Variants in ABHD3 observed in about 807,000 individuals in gnomAD.
ABHD3 encodes the protein abhydrolase domain containing 3, phospholipase, also known as phospholipase ABHD3.
A neutral mutation model predicts 48.8 loss-of-function variants in ABHD3; 46 were observed. The ratio of observed to expected loss-of-function variants is 0.94; its 90% confidence interval spans 0.74 to 1.20. The LOEUF is 1.20. Among genes scored for constraint, ABHD3 ranks in the 50% most tolerant of loss-of-function variants. ABHD3 has a pLI of 0.00. For missense variants in ABHD3, 490 were observed against 497.8 expected (o/e 0.98, Z 0.15); for synonymous variants, 192 against 183.7 (o/e 1.04, Z -0.36).
intron 3 of ABHD3, among the ~76,000 whole-genome samples, chr18:21,690,141 C>T (rs1308820171): frequency 6.6e-6 from 1 of 151,450 alleles, no homozygotes; most frequent in Admixed American, 6.6e-5. Flanking sequence ...AAAAGAAAAT[C>T]TCAGCATAAT....
intron 1 of ABHD3, among the ~76,000 whole-genome samples, chr18:21,704,254 C>G (rs979494928): frequency 6.6e-6 from 1 of 152,204 alleles, no homozygotes; most frequent in African/African-American, 2.4e-5. Context: ...GGTGACCGGG[C>G]AGCGCCGCAG....
At chr18:21,680,305 C>T (rs1011128372) in intron 4 of ABHD3, among the ~76,000 whole-genome samples, 9 of 152,136 alleles carry the variant, frequency 5.9e-5, no homozygotes, top group Non-Finnish European at 1.0e-4. Flanking sequence ...TGTGAGTCAC[C>T]GTGCCCAGTC....
rs148728182 is a variant in ABHD3 at position 21,681,977 on chromosome 18, T to C, written c.555+1943A>G. 5.7e-3 allele frequency among the ~76,000 whole-genome samples: 866 copies of C among 151,570 alleles called. 4 individuals are homozygous for C. The highest frequency in any genetic ancestry group is 9.3e-3 in the Non-Finnish European group (629 of 67,864). On this transcript the variant is annotated intron_variant, in intron 4 of 8. Transcript: ENST00000289119. ...CATCTCTACAAAACAAACAAATAAA[T>C]AAATAAAAAATCAGCCAGGCATGGT...
intron 3 of ABHD3, among the ~76,000 whole-genome samples, chr18:21,698,272 G>A (rs906712474): frequency 2.0e-5 from 3 of 151,208 alleles, no homozygotes; most frequent in East Asian, 3.9e-4. Context: ...TGCAACCTCC[G>A]CCTCCTGGGT....
chr18:21,659,385 G>T (rs1354049979), intron 5 of ABHD3, 42 bp from the exon 6 acceptor site: 26 of 1,565,974 alleles, frequency 1.7e-5, no homozygotes, highest in Non-Finnish European at 2.2e-5. Context: ...TTAATTTGTT[G>T]TATCACAGAA....
chr18:21,686,948 C>T (rs981584473), intron 3 of ABHD3, among the ~76,000 whole-genome samples: 1 of 152,164 alleles, frequency 6.6e-6, no homozygotes, highest in Non-Finnish European at 1.5e-5. Context: ...GATAAGGTCT[C>T]ACTGTTGCCC....
rs186796126 is a variant in ABHD3 at position 21,657,611 on chromosome 18, A to G, written c.843-459T>C. Among the ~76,000 whole-genome samples, 3 of 152,058 alleles carry G rather than the reference A, an allele frequency of 2.0e-5. No homozygotes were observed. In the East Asian group the frequency reaches 5.8e-4, roughly 29 times the overall value. ...GTGATCCACCCTCCTCGGCCTCCCAAAGTGCTGGGATTATAAGCATGAGCC... is the reference window on the plus strand; with the variant it reads ...GTGATCCACCCTCCTCGGCCTCCCAGAGTGCTGGGATTATAAGCATGAGCC... On this transcript the variant is annotated intron_variant, in intron 6 of 8. Transcript: ENST00000289119.
At chr18:21,658,802 T>C (rs1182001401) in intron 6 of ABHD3, among the ~76,000 whole-genome samples, 1 of 152,154 alleles carries the variant, frequency 6.6e-6, no homozygotes, top group Non-Finnish European at 1.5e-5. Flanking sequence ...TTTAAATTTT[T>C]TTACTGTTGG....
Position 21,686,910 on chromosome 18 carries a change from T to G in ABHD3, c.510-2945A>C, listed in dbSNP as rs147690524. 6.9e-3 allele frequency among the ~76,000 whole-genome samples: 1,054 copies of G among 152,284 alleles called. 18 individuals are homozygous for G. The highest frequency in any genetic ancestry group is 0.024 in the African/African-American group (1,012 of 41,566). The stretch of plus-strand genomic sequence containing the variant: ...TATTCCTAAGGCATTGAAAAATCTG[T>G]TAACCTCTTCTTCTTTTTTTCTTTA... On this transcript the variant is annotated intron_variant, in intron 3 of 8. Coordinates refer to ENST00000289119, the MANE Select transcript of ABHD3 (RefSeq NM_138340.5).
At chr18:21,692,020 C>A (rs2040262790) in intron 3 of ABHD3, among the ~76,000 whole-genome samples, 1 of 152,194 alleles carries the variant, frequency 6.6e-6, no homozygotes, top group South Asian at 2.1e-4. Flanking sequence ...GGTGCAATCT[C>A]AGCTCACTGC....
At chr18:21,698,340 C>G (rs1028982709) in intron 3 of ABHD3, among the ~76,000 whole-genome samples, 3 of 151,964 alleles carry the variant, frequency 2.0e-5, no homozygotes, top group Admixed American at 6.6e-5. Context: ...CACCCGCCAC[C>G]ACGTCCAGCT....
intron 3 of ABHD3, among the ~76,000 whole-genome samples, chr18:21,688,393 T>C (rs966646449): frequency 1.3e-5 from 2 of 151,944 alleles, no homozygotes; most frequent in African/African-American, 4.8e-5. Context: ...GTAATAATAA[T>C]AACAACAGAT....
rs2040530721 is a variant in ABHD3 at position 21,702,322 on chromosome 18, C to A, written c.503G>T (p.Gly168Val). ...LHMIHLSEEL[G>V]YRCVVFNNRG... The stretch of plus-strand genomic sequence containing the variant: ...AGAAATCTTTTACTGGTACCTGTAT[C>A]CTAATTCTTCACTAAGATGGATCAT... Residue 168 changes from glycine (G) to valine (V), a missense_variant, in exon 3 of 9, where the codon GGA becomes GTA. Transcript: ENST00000289119. 3 of 1,586,292 alleles carry A rather than the reference C, an allele frequency of 1.9e-6. No homozygotes were observed. Among genetic ancestry groups the A allele is most frequent in the African/African-American group, 2.7e-5 (2 of 74,160 alleles).
At chr18:21,699,197 G>C (rs1241406810) in intron 3 of ABHD3, among the ~76,000 whole-genome samples, 2 of 152,048 alleles carry the variant, frequency 1.3e-5, no homozygotes, top group South Asian at 2.1e-4. Flanking sequence ...TACAGGCATG[G>C]GCGACCACAC....
At chr18:21,655,198 T>C (rs2039315326) in intron 8 of ABHD3, 1 of 152,052 alleles carries the variant, frequency 6.6e-6, no homozygotes, top group African/African-American at 2.4e-5. Flanking sequence ...TCACAACATA[T>C]GTGTTATGTT....
At chr18:21,679,013 A>G (rs2039950354) in intron 4 of ABHD3, among the ~76,000 whole-genome samples, 1 of 152,204 alleles carries the variant, frequency 6.6e-6, no homozygotes, top group South Asian at 2.1e-4. Context: ...TGCCACTCCT[A>G]GGAGAACTGC....
chr18:21,682,735 C>CT (rs1459960645), intron 4 of ABHD3, among the ~76,000 whole-genome samples: 2 of 152,170 alleles, frequency 1.3e-5, no homozygotes, highest in Non-Finnish European at 2.9e-5. Flanking sequence ...CAGACCATGT[C>CT]TTCCCCCCCG....
chr18:21,659,490 A>T, intron 5 of ABHD3, 147 bp from the exon 6 acceptor site: 1 of 719,002 alleles, frequency 1.4e-6, no homozygotes, highest in Admixed American at 3.2e-5. Flanking sequence ...GCATGCAAGC[A>T]TCTTCATTCT....
Position 21,681,547 on chromosome 18 carries a change from CTCTT to C in ABHD3, c.555+2369_555+2372del, listed in dbSNP as rs1312903875. Reference sequence around the variant, plus strand: ...AGCCTCCAGCCTCCTTCCCCTCCATCTCTTTCTTTCCTACACACCACTGCCATGG... The same window carrying C: ...AGCCTCCAGCCTCCTTCCCCTCCATCTCTTTCCTACACACCACTGCCATGG... On this transcript the variant is annotated intron_variant, in intron 4 of 8. Coordinates refer to ENST00000289119, the MANE Select transcript of ABHD3 (RefSeq NM_138340.5). 9.9e-5 allele frequency among the ~76,000 whole-genome samples: 15 copies of C among 152,276 alleles called. No homozygotes were observed. In the East Asian group the frequency reaches 2.9e-3, roughly 29 times the overall value.
Sources: allele counts gnomAD v4.1 joint callset (sites outside exome capture counted in the v4.1 genomes callset), GRCh38; gene constraint gnomAD v4.1.1; transcripts MANE v1.5; gene names NCBI Gene and HGNC (gene_info 2026-07-23, HGNC 2026-07-21).